Variants in DCAF8 observed in about 807,000 individuals in gnomAD.
DCAF8 encodes the protein DDB1- and CUL4-associated factor 8.
A neutral mutation model predicts 68.0 loss-of-function variants in DCAF8; 20 were observed. That is an observed-to-expected ratio of 0.29 (90% CI 0.21 to 0.43). DCAF8 has a LOEUF of 0.43. Ranked by LOEUF, DCAF8 falls within the 20% of genes least tolerant of loss-of-function variation. The pLI, the probability that DCAF8 is intolerant of heterozygous loss-of-function variation, is 1.00. For missense variants in DCAF8, 460 were observed against 771.0 expected, an observed-to-expected ratio of 0.60 and a Z score of 4.78; for synonymous variants, 230 against 276.9, an observed-to-expected ratio of 0.83 and a Z score of 1.68.
Position 160,225,609 on chromosome 1 carries a change from C to T in DCAF8, c.1125G>A (p.Lys375=), listed in dbSNP as rs951032020. The T allele has an allele frequency of 6.2e-7, 1 of 1,613,654 alleles. No individual in the cohort carries two copies. Among genetic ancestry groups the T allele is most frequent in the Non-Finnish European group, 8.5e-7 (1 of 1,179,702 alleles). The part of the protein sequence containing the change: ...DENENNGVLK[K]FCPHHLVNSE... The stretch of plus-strand genomic sequence containing the variant: ...ATCTTACCAGGTGATGAGGACAGAA[C>T]TTCTTGAGTACTCCATTGTTCTCAT... The change falls in exon 8 of 14, where the codon AAG becomes AAA. Residue 375 remains lysine, a synonymous_variant. Coordinates refer to ENST00000368074, the MANE Select transcript of DCAF8 (RefSeq NM_015726.4).
chr1:160,228,285 C>T (rs1655548398), intron 7 of DCAF8, among the ~76,000 whole-genome samples: 1 of 152,016 alleles, frequency 6.6e-6, no homozygotes, highest in Non-Finnish European at 1.5e-5. Flanking sequence ...ACATCTCTTC[C>T]CACATGCCTT....
chr1:160,232,407 C>T (rs1021368366), intron 6 of DCAF8, among the ~76,000 whole-genome samples: 3 of 152,014 alleles, frequency 2.0e-5, no homozygotes, highest in Non-Finnish European at 4.4e-5. Flanking sequence ...CTTTGGGAAG[C>T]CGAGGTGGGT....
intron 11 of DCAF8, chr1:160,221,137 A>C (rs867844507): frequency 1.2e-4 from 19 of 152,264 alleles, no homozygotes; most frequent in Admixed American, 9.2e-4. Context: ...AGCTAAAAGC[A>C]AACTGGCCTG....
intron 2 of DCAF8, among the ~76,000 whole-genome samples, chr1:160,247,992 A>C (rs1033249682): frequency 6.6e-6 from 1 of 152,238 alleles, no homozygotes; most frequent in African/African-American, 2.4e-5. Context: ...AAAATTAATC[A>C]GTTGGATTTA....
intron 13 of DCAF8, 44 bp from the exon 14 acceptor site, chr1:160,217,752 A>G (rs1655172254): frequency 6.6e-7 from 1 of 1,517,300 alleles, no homozygotes; most frequent in Non-Finnish European, 9.1e-7. Context: ...TGGATGGAAC[A>G]AGGACAAGCC....
At chr1:160,223,774 T>C (rs1655375560) in intron 10 of DCAF8, among the ~76,000 whole-genome samples, 2 of 152,108 alleles carry the variant, frequency 1.3e-5, no homozygotes, top group Non-Finnish European at 2.9e-5. Context: ...GGCATGCACC[T>C]GTAGTCCCAG....
intron 3 of DCAF8, among the ~76,000 whole-genome samples, chr1:160,241,047 G>A (rs902931138): frequency 1.3e-5 from 2 of 152,136 alleles, no homozygotes; most frequent in Non-Finnish European, 2.9e-5. Flanking sequence ...AGCTACTCAG[G>A]AGGATGAGGC....
intron 7 of DCAF8, among the ~76,000 whole-genome samples, chr1:160,229,933 GA>G (rs1218807966): frequency 3.3e-5 from 5 of 152,130 alleles, no homozygotes; most frequent in African/African-American, 1.2e-4. Context: ...TGAGGCAGGA[GA>G]ATCGCTTGAA....
rs777165555 is a variant in DCAF8 at position 160,231,336 on chromosome 1, G to A, written c.1031C>T (p.Thr344Ile). Residue 344 changes from threonine (T) to isoleucine (I), a missense_variant, in exon 7 of 14, where the codon ACC (threonine) becomes ATC (isoleucine). Physicochemically the swap from Thr to Ile is moderately conservative, Grantham distance 89. Coordinates refer to ENST00000368074, the MANE Select transcript of DCAF8 (RefSeq NM_015726.4). Reference protein sequence around the residue: ...LYTIYVNPANTHQFAVGGRDQ... With the variant: ...LYTIYVNPANIHQFAVGGRDQ... ...TCGTCCACCCACTGCAAACTGGTGG[G>A]TATTGGCAGGATTCACATAGATCGT... 1.2e-6 allele frequency: 2 copies of A among 1,614,070 alleles called. No homozygotes were observed. Among genetic ancestry groups the A allele is most frequent in the Non-Finnish European group, 1.7e-6 (2 of 1,179,964 alleles).
intron 7 of DCAF8, among the ~76,000 whole-genome samples, chr1:160,229,025 C>T (rs917735984): frequency 3.3e-5 from 5 of 152,098 alleles, no homozygotes; most frequent in African/African-American, 1.2e-4. Context: ...CATAGCCAGG[C>T]GCGGTGGCTC....
chr1:160,259,263 G>A (rs914782111), intron 2 of DCAF8, among the ~76,000 whole-genome samples: 1 of 152,174 alleles, frequency 6.6e-6, no homozygotes, highest in Non-Finnish European at 1.5e-5. Flanking sequence ...GGCCGGGCAT[G>A]GTGGTTCACA....
rs1655093125 is a variant in DCAF8, at chr1:160,215,889, G to A, written c.*1703C>T. 1 of 151,968 alleles carries A rather than the reference G, an allele frequency of 6.6e-6. No homozygotes were observed. The allele number at this position is 151,968 out of a possible 1,614,324, so 9.4% of individuals were successfully genotyped here. A position where few individuals can be genotyped will look rare whatever the true frequency, so the allele number is the denominator to read the frequency against. On this transcript the variant is annotated 3_prime_UTR_variant, in exon 14 of 14. Coordinates refer to ENST00000368074, the MANE Select transcript of DCAF8 (RefSeq NM_015726.4). ...GCCAACATCTGGTCTCAGAGCTGCT[G>A]GGAAAAGGGGCAGGAGGAAGAAGTA...
intron 6 of DCAF8, among the ~76,000 whole-genome samples, 186 bp downstream of exon 6, chr1:160,236,949 G>C (rs1450698845): frequency 1.3e-5 from 2 of 152,120 alleles, no homozygotes; most frequent in Non-Finnish European, 2.9e-5. Context: ...AATGAAGGTA[G>C]ACTGAATAGT....
chr1:160,218,122 C>T (rs542139795), intron 13 of DCAF8: 45 of 630,058 alleles, frequency 7.1e-5, no homozygotes, highest in South Asian at 1.9e-4. Context: ...TACACATGGA[C>T]GGCAATGGAC....
chr1:160,262,240 G>GT lies in DCAF8; in HGVS notation c.-101+208_-101+209insA, dbSNP rs1657129008. ...TTAGGGGAAACCGGCTGGGAAGCGA[G>GT]GGGGGGCGCAGGCCGAGCCGGAACG... is the stretch of plus-strand genomic sequence containing the variant. On this transcript the variant is annotated intron_variant, in intron 1 of 13. Coordinates refer to ENST00000368074, the MANE Select transcript of DCAF8 (RefSeq NM_015726.4). The GT allele has an allele frequency of 7.5e-6, 3 of 397,386 alleles. No individual in the cohort carries two copies. In the East Asian group the frequency reaches 1.1e-4, roughly 14 times the overall value. The allele number at this position is 397,386 out of a possible 1,614,324, so 24.6% of individuals were successfully genotyped here. A position where few individuals can be genotyped will look rare whatever the true frequency, so the allele number is the denominator to read the frequency against.
intron 2 of DCAF8, among the ~76,000 whole-genome samples, chr1:160,257,526 A>C (rs1656887521): frequency 6.6e-6 from 1 of 152,218 alleles, no homozygotes; most frequent in Non-Finnish European, 1.5e-5. Flanking sequence ...TAGAGCACGA[A>C]ACTCAAGATC....
chr1:160,239,921 C>A lies in DCAF8; in HGVS notation c.499G>T (p.Ala167Ser), dbSNP rs539129422. 2.5e-6 allele frequency: 4 copies of A among 1,614,130 alleles called. No individual in the cohort carries two copies. Among genetic ancestry groups the A allele is most frequent in the Non-Finnish European group, 3.4e-6 (4 of 1,180,058 alleles). The change falls in exon 4 of 14, where the codon GCC (alanine) becomes TCC (serine). Residue 167 changes from alanine to serine, a missense_variant. Ala to Ser is a moderately conservative substitution (Grantham distance 99). Transcript: ENST00000368074. ...CCACAGGCCTCATAGACAAAGCGGG[C>A]ACTTGAACCCAGCTCCCGCTCCCGA... ...ALRERELGSS[A>S]RFVYEACGAR...
chr1:160,232,192 A>G (rs533738466), intron 6 of DCAF8, among the ~76,000 whole-genome samples: 1 of 152,038 alleles, frequency 6.6e-6, no homozygotes, highest in Admixed American at 6.6e-5. Context: ...CCTGCGCAAC[A>G]GAGCAAGACT....
chr1:160,259,425 C>T (rs1257436910), intron 2 of DCAF8, among the ~76,000 whole-genome samples: 2 of 152,012 alleles, frequency 1.3e-5, no homozygotes, highest in African/African-American at 2.4e-5. Flanking sequence ...CCCAGCTACT[C>T]GGGAGGTTGA....
Sources: allele counts gnomAD v4.1 joint callset (sites outside exome capture counted in the v4.1 genomes callset), GRCh38; gene constraint gnomAD v4.1.1; transcripts MANE v1.5; gene names NCBI Gene and HGNC (gene_info 2026-07-23, HGNC 2026-07-21).